The following CTNNA2 variants were observed in gnomAD, a reference collection of about 807,000 sequenced individuals.
CTNNA2 encodes the protein catenin alpha 2, also known as catenin alpha-2.
CTNNA2 carries 42 observed loss-of-function variants against 101.0 expected under a neutral mutation model. The ratio of observed to expected loss-of-function variants is 0.42; its 90% CI spans 0.32 to 0.54. The LOEUF (loss-of-function observed/expected upper bound fraction) is 0.54. Among genes scored for constraint, CTNNA2 ranks in the 20% least tolerant of loss-of-function variants. The probability of loss-of-function intolerance (pLI) is 0.14; values close to 1 mark genes in which losing one functional copy is unlikely to be tolerated. For synonymous variants in CTNNA2, 450 were observed against 456.4 expected (o/e 0.99, Z 0.18); for missense variants, 871 against 1,223.1 (o/e 0.71, Z 4.29).
chr2:80,547,273 GCGGC>G (rs1243990041), intron 11 of CTNNA2, among the ~76,000 whole-genome samples: 2 of 152,074 alleles, frequency 1.3e-5, no homozygotes, highest in African/African-American at 4.8e-5. Flanking sequence ...GATGTAACAT[GCGGC>G]CTGTGACTAG....
At chr2:79,825,248 G>A (rs1466654519) in intron 3 of CTNNA2, among the ~76,000 whole-genome samples, 1 of 152,172 alleles carries the variant, frequency 6.6e-6, no homozygotes, top group African/African-American at 2.4e-5. Context: ...GGAACATAGT[G>A]CAGTGGAAGG....
At chr2:79,282,610 G>T (rs528417408) in intron 2 of CTNNA2, among the ~76,000 whole-genome samples, 1 of 145,086 alleles carries the variant, frequency 6.9e-6, no homozygotes, top group Non-Finnish European at 1.5e-5. Context: ...TGGCTGCATA[G>T]TATTCTATGG....
chr2:79,841,289 G>C (rs1679789537), intron 3 of CTNNA2, among the ~76,000 whole-genome samples: 1 of 152,126 alleles, frequency 6.6e-6, no homozygotes, highest in South Asian at 2.1e-4. Context: ...CATTCTCAGA[G>C]ACAAAATACA....
At chr2:79,302,982 A>G (rs892332545) in intron 2 of CTNNA2, among the ~76,000 whole-genome samples, 2 of 152,248 alleles carry the variant, frequency 1.3e-5, no homozygotes, top group South Asian at 2.1e-4. Flanking sequence ...CCACAAAAAC[A>G]TAATTAGTAA....
chr2:80,022,082 TAA>T (rs1292506596), intron 7 of CTNNA2, among the ~76,000 whole-genome samples: 2 of 152,306 alleles, frequency 1.3e-5, no homozygotes, highest in African/African-American at 4.8e-5. Context: ...AATGGCTTGA[TAA>T]AATGGGAATT....
At chr2:79,231,106 T>C (rs1265720071) in intron 2 of CTNNA2, among the ~76,000 whole-genome samples, 1 of 152,160 alleles carries the variant, frequency 6.6e-6, no homozygotes, top group Non-Finnish European at 1.5e-5. Context: ...TTTGGGGGAC[T>C]GTTGGGAAGG....
intron 7 of CTNNA2, among the ~76,000 whole-genome samples, chr2:79,989,004 G>C (rs553404): frequency 0.54 from 81,550 of 151,984 alleles, 22,539 homozygotes; most frequent in Non-Finnish European, 0.62. Flanking sequence ...TCATTGTTTG[G>C]TTAATGTCTG....
intron 7 of CTNNA2, among the ~76,000 whole-genome samples, chr2:80,111,251 A>G (rs1701192699): frequency 6.6e-6 from 1 of 152,212 alleles, no homozygotes; most frequent in South Asian, 2.1e-4. Flanking sequence ...TACTTTTAAA[A>G]TCTTCTACAT....
intron 7 of CTNNA2, among the ~76,000 whole-genome samples, chr2:80,223,175 T>C (rs550079461): frequency 9.8e-4 from 150 of 152,334 alleles, no homozygotes; most frequent in Non-Finnish European, 1.6e-3. Flanking sequence ...TTAAAGTTAG[T>C]GTTTCTCAGG....
intron 1 of CTNNA2, among the ~76,000 whole-genome samples, chr2:79,639,731 A>C (rs1680319140): frequency 6.6e-6 from 1 of 152,128 alleles, no homozygotes; most frequent in East Asian, 1.9e-4. Context: ...ATTGTAGGAA[A>C]TTTGGGTTGG....
chr2:79,293,468 G>A (rs1675883938), intron 2 of CTNNA2, among the ~76,000 whole-genome samples: 1 of 152,078 alleles, frequency 6.6e-6, no homozygotes, highest in African/African-American at 2.4e-5. Flanking sequence ...GAAGCTTACA[G>A]TTTGGCTAAA....
intron 7 of CTNNA2, among the ~76,000 whole-genome samples, chr2:79,959,416 G>A (rs1689474375): frequency 1.3e-5 from 2 of 152,126 alleles, no homozygotes; most frequent in Non-Finnish European, 2.9e-5. Flanking sequence ...CCATTCTGTA[G>A]CCTGATAATC....
At chr2:79,646,103 T>C (rs80255985) in intron 1 of CTNNA2, among the ~76,000 whole-genome samples, 1,644 of 152,292 alleles carry the variant, frequency 0.011, 43 homozygotes, top group African/African-American at 0.037. Flanking sequence ...TGTGCTGCTA[T>C]AGAACAGTAG....
intron 7 of CTNNA2, among the ~76,000 whole-genome samples, chr2:80,075,228 T>A (rs879750970): frequency 2.6e-5 from 4 of 152,124 alleles, no homozygotes; most frequent in Non-Finnish European, 5.9e-5. Flanking sequence ...TATCCCATAT[T>A]CCTAAGCCAT....
At chr2:79,704,359 C>G (rs894470323) in intron 2 of CTNNA2, among the ~76,000 whole-genome samples, 1 of 152,084 alleles carries the variant, frequency 6.6e-6, no homozygotes, top group Non-Finnish European at 1.5e-5. Context: ...TATATTTTGA[C>G]TTTACAGTCT....
At chr2:79,822,533 C>T (rs1678092610) in intron 3 of CTNNA2, among the ~76,000 whole-genome samples, 1 of 152,082 alleles carries the variant, frequency 6.6e-6, no homozygotes, top group Admixed American at 6.6e-5. Flanking sequence ...AAGCATCCTC[C>T]ACACCTTCTC....
At chr2:79,882,931 G>C (rs943399496) in intron 6 of CTNNA2, among the ~76,000 whole-genome samples, 9 of 22,662 alleles carry the variant, frequency 4.0e-4, no homozygotes, top group Non-Finnish European at 7.9e-4. Context: ...GCCTTCCTTG[G>C]CTGGGGGTGG....
chr2:80,312,399 A>C (rs1156727458), intron 7 of CTNNA2, among the ~76,000 whole-genome samples: 1 of 152,220 alleles, frequency 6.6e-6, no homozygotes, highest in East Asian at 1.9e-4. Flanking sequence ...GGTAACTAAA[A>C]GTGACTTAGG....
intron 7 of CTNNA2, among the ~76,000 whole-genome samples, chr2:80,101,421 AT>A (rs1226899660): frequency 6.6e-6 from 1 of 152,198 alleles, no homozygotes; most frequent in African/African-American, 2.4e-5. Context: ...AAAAATAAAT[AT>A]CACACCTATG....
Sources: allele counts gnomAD v4.1 joint callset (sites outside exome capture counted in the v4.1 genomes callset), GRCh38; gene constraint gnomAD v4.1.1; transcripts MANE v1.5; gene names NCBI Gene and HGNC (gene_info 2026-07-23, HGNC 2026-07-21).